CSMD1: variants seen among roughly 807,000 people sequenced by gnomAD.
CSMD1 encodes the protein CUB and Sushi multiple domains 1.
A neutral mutation model predicts 417.5 loss-of-function variants in CSMD1; 213 were observed. The ratio of observed to expected loss-of-function variants is 0.51; its 90% confidence interval spans 0.46 to 0.57. CSMD1 has a LOEUF of 0.57. Ranked by LOEUF, CSMD1 falls within the 20% of genes least tolerant of loss-of-function variation. CSMD1 has a pLI of 0.00. For synonymous variants in CSMD1, 2,862 were observed against 1,736.8 expected (o/e 1.65, Z -16.11); for missense variants, 6,923 against 4,529.7 (o/e 1.53, Z -15.17).
At chr8:3,387,851 T>C (rs561376460) in intron 17 of CSMD1, among the ~76,000 whole-genome samples, 169 bp from the exon 18 acceptor site, 10 of 152,348 alleles carry the variant, frequency 6.6e-5, no homozygotes, top group African/African-American at 2.4e-4. Context: ...CTTCAAACAT[T>C]TGACCTCGTT....
At chr8:4,565,935 T>G (rs1034565790) in intron 2 of CSMD1, among the ~76,000 whole-genome samples, 3 of 151,784 alleles carry the variant, frequency 2.0e-5, no homozygotes, top group African/African-American at 7.3e-5. Flanking sequence ...AGTGAAAAAT[T>G]ATTTCCATTT....
chr8:3,281,245 C>T (rs886494169), intron 26 of CSMD1, among the ~76,000 whole-genome samples: 1 of 152,128 alleles, frequency 6.6e-6, no homozygotes, highest in Non-Finnish European at 1.5e-5. Context: ...GAGTTTGACA[C>T]TAGCCTGGAC....
chr8:4,234,703 G>A (rs1441494735), intron 3 of CSMD1, among the ~76,000 whole-genome samples: 1 of 152,166 alleles, frequency 6.6e-6, no homozygotes, highest in Non-Finnish European at 1.5e-5. Context: ...ATGGTGTGGT[G>A]TACGGCCACA....
Position 3,846,485 on chromosome 8 carries a change from G to C in CSMD1, c.819-92443C>G, listed in dbSNP as rs1291559287. Among the ~76,000 whole-genome samples, 25 of 152,134 alleles carry C rather than the reference G, an allele frequency of 1.6e-4. 1 individual carries two copies. The highest frequency in any genetic ancestry group is 2.9e-5 in the Non-Finnish European group (2 of 68,024). On this transcript the variant is annotated intron_variant, in intron 5 of 69. Transcript: ENST00000635120. ...AACCTTCCTCTCAGTTTTTTCACGT[G>C]TGAAACTCAGATAAGCATAGAAAGT...
At chr8:3,384,905 ATGC>A (rs1166751547) in intron 18 of CSMD1, among the ~76,000 whole-genome samples, 2 of 122,196 alleles carry the variant, frequency 1.6e-5, no homozygotes, top group East Asian at 4.4e-4. Context: ...TATATTATAT[ATGC>A]TTATATATTA....
chr8:4,761,430 T>C (rs1056644663), intron 1 of CSMD1, among the ~76,000 whole-genome samples: 4 of 152,084 alleles, frequency 2.6e-5, no homozygotes, highest in Non-Finnish European at 5.9e-5. Flanking sequence ...TTACATAAAA[T>C]ATGTTGCTGA....
chr8:4,313,085 T>A (rs1388926349), intron 3 of CSMD1, among the ~76,000 whole-genome samples: 1 of 152,168 alleles, frequency 6.6e-6, no homozygotes, highest in Non-Finnish European at 1.5e-5. Context: ...GCCATAGAGC[T>A]AATATAGAAA....
At chr8:3,945,622 G>C (rs191737622) in intron 5 of CSMD1, among the ~76,000 whole-genome samples, 1 of 152,056 alleles carries the variant, frequency 6.6e-6, no homozygotes, top group Non-Finnish European at 1.5e-5. Context: ...TAATGTACTG[G>C]TTAACTCACA....
At chr8:3,309,101 G>A (rs1028558258) in intron 23 of CSMD1, among the ~76,000 whole-genome samples, 6 of 151,958 alleles carry the variant, frequency 3.9e-5, no homozygotes, top group African/African-American at 9.7e-5. Context: ...GGATTCTCTG[G>A]TGAGCCCCAA....
At chr8:4,644,705 G>A (rs368701301) in intron 1 of CSMD1, among the ~76,000 whole-genome samples, 1 of 152,222 alleles carries the variant, frequency 6.6e-6, no homozygotes, top group Non-Finnish European at 1.5e-5. Flanking sequence ...CACCATGCCT[G>A]GCGCCTACAC....
intron 11 of CSMD1, among the ~76,000 whole-genome samples, chr8:3,477,459 C>T (rs1817497705): frequency 6.6e-6 from 1 of 152,138 alleles, no homozygotes; most frequent in South Asian, 2.1e-4. Flanking sequence ...TGACTACTTG[C>T]CTTAATTGGG....
intron 3 of CSMD1, among the ~76,000 whole-genome samples, chr8:4,378,966 TATG>T (rs1213015688): frequency 6.6e-6 from 1 of 152,196 alleles, no homozygotes; most frequent in East Asian, 1.9e-4. Flanking sequence ...CCTTCCAGTT[TATG>T]ATATTTTGTA....
At chr8:4,079,173 A>T (rs1285252146) in intron 3 of CSMD1, among the ~76,000 whole-genome samples, 1 of 152,004 alleles carries the variant, frequency 6.6e-6, no homozygotes, top group Admixed American at 6.6e-5. Flanking sequence ...GTATAAATTG[A>T]ATATAAGCTA....
chr8:3,971,381 T>C (rs1451324744), intron 5 of CSMD1, among the ~76,000 whole-genome samples: 1 of 152,190 alleles, frequency 6.6e-6, no homozygotes, highest in African/African-American at 2.4e-5. Context: ...AAATGACGAC[T>C]GTCCCTATTA....
intron 12 of CSMD1, among the ~76,000 whole-genome samples, chr8:3,424,333 C>A (rs1265695848): frequency 6.6e-6 from 1 of 152,184 alleles, no homozygotes; most frequent in Non-Finnish European, 1.5e-5. Flanking sequence ...ACTTAATAAT[C>A]TCTGATTAGC....
chr8:3,506,771 T>A (rs937264934), intron 10 of CSMD1, among the ~76,000 whole-genome samples: 1 of 152,232 alleles, frequency 6.6e-6, no homozygotes, highest in Admixed American at 6.5e-5. Flanking sequence ...TTGCTCATGG[T>A]TGGCAGTGAT....
intron 3 of CSMD1, among the ~76,000 whole-genome samples, chr8:4,218,580 A>G (rs1347473309): frequency 6.6e-6 from 1 of 152,164 alleles, no homozygotes; most frequent in Non-Finnish European, 1.5e-5. Context: ...CTCTGTAATA[A>G]TGATTAATTT....
intron 1 of CSMD1, among the ~76,000 whole-genome samples, chr8:4,911,171 A>G (rs543771956): frequency 6.6e-6 from 1 of 152,326 alleles, no homozygotes; most frequent in South Asian, 2.1e-4. Context: ...CAGCAGTGTG[A>G]AAATGGACTA....
At chr8:4,037,076 C>A (rs969568717) in intron 3 of CSMD1, among the ~76,000 whole-genome samples, 11 of 152,054 alleles carry the variant, frequency 7.2e-5, no homozygotes, top group African/African-American at 2.7e-4. Flanking sequence ...TCTGGCCACC[C>A]ACAACCCAAA....
Sources: allele counts gnomAD v4.1 joint callset (sites outside exome capture counted in the v4.1 genomes callset), GRCh38; gene constraint gnomAD v4.1.1; transcripts MANE v1.5; gene names NCBI Gene and HGNC (gene_info 2026-07-23, HGNC 2026-07-21).